KALRN: variants seen among roughly 807,000 people sequenced by gnomAD.
The protein encoded by KALRN is kalirin.
A neutral mutation model predicts 353.7 loss-of-function variants in KALRN; 70 were observed. That is an observed-to-expected ratio of 0.20 (90% CI 0.16 to 0.24). KALRN has a LOEUF of 0.24. Among genes scored for constraint, KALRN ranks in the 10% least tolerant of loss-of-function variants. The probability of loss-of-function intolerance (pLI) is 1.00; values close to 1 mark genes in which losing one functional copy is unlikely to be tolerated. For synonymous variants in KALRN, 1,391 were observed against 1,434.8 expected (o/e 0.97, Z 0.69); for missense variants, 2,791 against 3,756.7 (o/e 0.74, Z 6.72).
intron 1 of KALRN, among the ~76,000 whole-genome samples, chr3:124,110,458 TAC>T (rs563446639): frequency 5.9e-5 from 4 of 67,750 alleles, no homozygotes; most frequent in Admixed American, 2.1e-4. Context: ...ATTTCATATA[TAC>T]ACACGCGCGC....
At chr3:124,446,932 A>G (rs771428761) in intron 21 of KALRN, 47 bp downstream of exon 21, 2 of 1,591,804 alleles carry the variant, frequency 1.3e-6, no homozygotes, top group South Asian at 2.3e-5. Context: ...AGAACTCTCC[A>G]TTCTGGCCAA....
At position 124,304,127 on chromosome 3, in the gene KALRN, A is replaced by AACACACACACACACACACACAC. The variant is rs3055892; in HGVS notation, c.1092+5227_1092+5248dup. Among the ~76,000 whole-genome samples the AACACACACACACACACACACAC allele has an allele frequency of 1.5e-3, 227 of 147,494 alleles. 3 individuals carry two copies. Among genetic ancestry groups the AACACACACACACACACACACAC allele is most frequent in the African/African-American group, 5.2e-3 (207 of 39,662 alleles). On this transcript the variant is annotated intron_variant, in intron 6 of 59. Transcript: ENST00000682506. ...GTCAGAATTTCTAGATTTTGTTGTA[A>AACACACACACACACACACACAC]ACACACACACACACACACACACACA...
In KALRN at chr3:124,395,354, G is replaced by A. The variant is rs1009681455; in HGVS notation, c.2171+11G>A. On this transcript the variant is annotated intron_variant, in intron 12 of 59. Transcript: ENST00000682506. ...GCCCAGCGAGGCCAGGTCAGCATGGGCAGAGCTTTCCAGTGGGAAATGCCT... is the reference window on the plus strand; with the variant it reads ...GCCCAGCGAGGCCAGGTCAGCATGGACAGAGCTTTCCAGTGGGAAATGCCT... 1.2e-5 allele frequency: 20 copies of A among 1,604,912 alleles called. No individual in the cohort carries two copies. The highest frequency in any genetic ancestry group is 3.4e-5 in the Admixed American group (2 of 58,756).
chr3:124,605,587 AG>A (rs1411856013), intron 34 of KALRN, among the ~76,000 whole-genome samples: 1 of 123,018 alleles, frequency 8.1e-6, no homozygotes, highest in Non-Finnish European at 1.6e-5. Flanking sequence ...AAAAAAAAAA[AG>A]AGAGAGAGAG....
chr3:124,261,493 G>T (rs1221005109), intron 3 of KALRN, among the ~76,000 whole-genome samples: 2 of 152,312 alleles, frequency 1.3e-5, no homozygotes, highest in Non-Finnish European at 2.9e-5. Flanking sequence ...ATGCCAATTA[G>T]ATTAGGTCAC....
intron 18 of KALRN, among the ~76,000 whole-genome samples, chr3:124,439,611 T>C (rs1486517828): frequency 6.6e-6 from 1 of 152,214 alleles, no homozygotes; most frequent in Middle Eastern, 3.2e-3. Flanking sequence ...ATTAAAGAAA[T>C]GAATTTGGAT....
intron 33 of KALRN, among the ~76,000 whole-genome samples, chr3:124,517,559 C>T (rs924441722): frequency 1.3e-5 from 2 of 152,156 alleles, no homozygotes; most frequent in Non-Finnish European, 2.9e-5. Context: ...GTTGACCTTC[C>T]TTGAGAGGTC....
intron 5 of KALRN, among the ~76,000 whole-genome samples, chr3:124,288,344 A>T (rs1444008153): frequency 6.6e-6 from 1 of 152,206 alleles, no homozygotes; most frequent in Non-Finnish European, 1.5e-5. Context: ...ATTTTGAAGG[A>T]TGGGAATAAT....
At position 124,384,916 on chromosome 3, in the gene KALRN, C is replaced by A. The variant is rs147667130; in HGVS notation, c.1842C>A (p.Pro614=). 1,615 of 1,613,822 alleles carry A rather than the reference C, an allele frequency of 1.0e-3. 1 individual carries two copies. Among genetic ancestry groups the A allele is most frequent in the Non-Finnish European group, 1.3e-3 (1,547 of 1,179,930 alleles). Residue 614 remains proline, a synonymous_variant, in exon 11 of 60, where the codon CCC becomes CCA. Coordinates refer to ENST00000682506, the MANE Select transcript of KALRN (RefSeq NM_001388419.1). The part of the protein sequence containing the change: ...EQLAQTGECD[P]EEIYKAARHL... ...TGGCTCAGACGGGGGAATGTGACCC[C>A]GAGGAGATCTACAAGGCAGCTCGAC...
intron 1 of KALRN, among the ~76,000 whole-genome samples, chr3:124,108,063 A>C (rs1382033886): frequency 1.3e-5 from 2 of 152,294 alleles, no homozygotes; most frequent in East Asian, 3.9e-4. Flanking sequence ...CCCACAGTAC[A>C]TATATGTGTA....
intron 1 of KALRN, among the ~76,000 whole-genome samples, chr3:124,076,107 A>C (rs1168373976): frequency 1.3e-5 from 2 of 152,246 alleles, no homozygotes; most frequent in Admixed American, 1.3e-4. Context: ...AAGTGGCAGC[A>C]GGAGAAACTA....
At chr3:124,589,304 A>T (rs1023534305) in intron 34 of KALRN, among the ~76,000 whole-genome samples, 2 of 152,188 alleles carry the variant, frequency 1.3e-5, no homozygotes, top group Admixed American at 1.3e-4. Flanking sequence ...CCATTATGAC[A>T]TTCACTGTTG....
At chr3:124,281,631 C>T (rs1580441358) in intron 5 of KALRN, among the ~76,000 whole-genome samples, 1 of 152,192 alleles carries the variant, frequency 6.6e-6, no homozygotes, top group African/African-American at 2.4e-5. Flanking sequence ...TCTGTTCTGC[C>T]CTGTTGGAGG....
intron 53 of KALRN, among the ~76,000 whole-genome samples, chr3:124,694,753 C>T (rs1485058727): frequency 6.6e-6 from 1 of 152,202 alleles, no homozygotes; most frequent in Non-Finnish European, 1.5e-5. Flanking sequence ...CACACATTTC[C>T]CACGGTGCTC....
At chr3:124,639,302 T>C (rs2081741614) in intron 37 of KALRN, among the ~76,000 whole-genome samples, 1 of 152,188 alleles carries the variant, frequency 6.6e-6, no homozygotes, top group Admixed American at 6.5e-5. Flanking sequence ...AATCCCATGG[T>C]AATTACTAAA....
chr3:124,569,550 A>G (rs991318200), intron 34 of KALRN, among the ~76,000 whole-genome samples: 1 of 152,210 alleles, frequency 6.6e-6, no homozygotes, highest in Non-Finnish European at 1.5e-5. Context: ...ACTGAGTCTT[A>G]AAAAGATTAG....
At chr3:124,660,869 A>G (rs963465745) in intron 43 of KALRN, 54 bp from the exon 44 acceptor site, 7 of 1,242,354 alleles carry the variant, frequency 5.6e-6, no homozygotes, top group Non-Finnish European at 8.3e-6. Flanking sequence ...TTTCCCAGCT[A>G]TTTTACTAAT....
At chr3:124,427,513 A>G (rs1263591561) in intron 15 of KALRN, among the ~76,000 whole-genome samples, 1 of 152,236 alleles carries the variant, frequency 6.6e-6, no homozygotes, top group Non-Finnish European at 1.5e-5. Context: ...CCCAGCCTAC[A>G]TGGTTACAAG....
chr3:124,702,478 A>G (rs1378323742), intron 57 of KALRN, among the ~76,000 whole-genome samples: 1 of 152,192 alleles, frequency 6.6e-6, no homozygotes, highest in East Asian at 1.9e-4. Context: ...TTATAATGGA[A>G]ACATGTTTTA....
Sources: gnomAD v4.1 joint callset for allele counts (sites outside exome capture counted in the v4.1 genomes callset) on GRCh38, gnomAD v4.1.1 for gene constraint, MANE v1.5 for transcripts, NCBI Gene and HGNC (gene_info 2026-07-23, HGNC 2026-07-21) for gene names.